The following OSBPL5 variants were observed in gnomAD, a reference collection of about 807,000 sequenced individuals.
The protein encoded by OSBPL5 is oxysterol-binding protein-related protein 5.
In OSBPL5, 71 loss-of-function variants were observed where a neutral mutation model predicts 111.2. The ratio of observed to expected loss-of-function variants is 0.64; its 90% CI spans 0.53 to 0.78. The LOEUF (loss-of-function observed/expected upper bound fraction) is 0.78, where lower values mean the gene tolerates loss of function less well. Ranked by LOEUF, OSBPL5 falls within the 30% of genes least tolerant of loss-of-function variation. The pLI is 0.00. For missense variants in OSBPL5, 1,210 were observed against 1,189.3 expected (o/e 1.02, Z -0.26); for synonymous variants, 549 against 513.9 (o/e 1.07, Z -0.93).
intron 1 of OSBPL5, among the ~76,000 whole-genome samples, chr11:3,159,075 G>A (rs1434069548): frequency 1.3e-5 from 2 of 152,214 alleles, no homozygotes; most frequent in African/African-American, 4.8e-5. Flanking sequence ...GAGCCTGTCA[G>A]ATGCTGTGAG....
intron 13 of OSBPL5, among the ~76,000 whole-genome samples, chr11:3,100,524 G>A (rs190615927): frequency 1.0e-3 from 153 of 152,320 alleles, no homozygotes; most frequent in Admixed American, 8.7e-3. Flanking sequence ...CTGCAGATTC[G>A]CAGGGTGGAG....
chr11:3,105,584 G>A lies in OSBPL5; in HGVS notation c.1060-1207C>T, dbSNP rs77177481. Among the ~76,000 whole-genome samples, 4 of 151,988 alleles carry A rather than the reference G, an allele frequency of 2.6e-5. No homozygotes were observed. The highest frequency in any genetic ancestry group is 7.3e-5 in the African/African-American group (3 of 41,338). ...TCTTCTCTACTGAGACTGTCTTGCC[G>A]TAGGTCCCCACCACTCCTCACTGGT... On this transcript the variant is annotated intron_variant, in intron 9 of 21. Coordinates refer to ENST00000263650, the MANE Select transcript of OSBPL5 (RefSeq NM_020896.4). This position sits in a 1 kb window ranked among gnomAD's most constrained non-coding sequence, Gnocchi z 5.2.
rs73416001 is a variant in OSBPL5 at position 3,152,600 on chromosome 11, C to A, written c.-22+12616G>T. Among the ~76,000 whole-genome samples the A allele has an allele frequency of 8.3e-3, 1,262 of 152,282 alleles. 16 individuals are homozygous for A. Among genetic ancestry groups the A allele is most frequent in the African/African-American group, 0.029 (1,192 of 41,566 alleles). ...CTGCAGGATTATCGGGAGCGGCCTGCGAGGCGCGATGGGCTCGGGCTCAGG... is the reference window on the plus strand; with the variant it reads ...CTGCAGGATTATCGGGAGCGGCCTGAGAGGCGCGATGGGCTCGGGCTCAGG... On this transcript the variant is annotated intron_variant, in intron 1 of 21. Coordinates refer to ENST00000263650, the MANE Select transcript of OSBPL5 (RefSeq NM_020896.4).
chr11:3,095,960 A>G (rs950054888), intron 14 of OSBPL5, among the ~76,000 whole-genome samples: 97 of 152,196 alleles, frequency 6.4e-4, no homozygotes, highest in Non-Finnish European at 1.5e-4. Context: ...TCGTGTTGAA[A>G]AAAACTGTGC....
At position 3,097,159 on chromosome 11, in the gene OSBPL5, G is replaced by C. The variant is rs537772067; in HGVS notation, c.1622-2825C>G. Among the ~76,000 whole-genome samples the C allele has an allele frequency of 3.3e-5, 5 of 150,852 alleles. No individual in the cohort carries two copies. In the East Asian group the frequency reaches 5.8e-4, roughly 18 times the overall value. The stretch of plus-strand genomic sequence containing the variant: ...GATGGGAGGAGGAGGAGAGGAAAAG[G>C]GGGGAAGAGAAAGAGGGGCATTTGT... On this transcript the variant is annotated intron_variant, in intron 14 of 21. Coordinates refer to ENST00000263650, the MANE Select transcript of OSBPL5 (RefSeq NM_020896.4).
rs1443684074 is a variant in OSBPL5 at position 3,103,874 on chromosome 11, GCC to G, written c.1244+317_1244+318del. Among the ~76,000 whole-genome samples the G allele has an allele frequency of 8.3e-3, 400 of 48,466 alleles. 11 individuals are homozygous for G. The highest frequency in any genetic ancestry group is 0.026 in the African/African-American group (287 of 10,916). The allele number at this position is 48,466 out of a possible 152,430, so 31.8% of individuals were successfully genotyped here. ...TTCCAGTCTGCGCAGCCCCCTTCCT[GCC>G]TCTGTAGCCCCATTCCTGCCTCTGC... On this transcript the variant is annotated intron_variant, in intron 10 of 21. Coordinates refer to ENST00000263650, the MANE Select transcript of OSBPL5 (RefSeq NM_020896.4).
intron 10 of OSBPL5, among the ~76,000 whole-genome samples, chr11:3,103,654 T>A (rs1260022804): frequency 2.0e-5 from 3 of 150,912 alleles, no homozygotes; most frequent in African/African-American, 7.3e-5. Flanking sequence ...GCAGCCCCCT[T>A]CCTGCCTCTG....
At position 3,092,472 on chromosome 11, in the gene OSBPL5, C is replaced by A. The variant is rs374070869; in HGVS notation, c.2219G>T (p.Arg740Leu). Residue 740 changes from arginine to leucine, a missense_variant, in exon 19 of 22, where the codon CGC (arginine) becomes CTC (leucine). By Grantham distance (102) the Arg-to-Leu change is moderately radical. Transcript: ENST00000263650. This position sits in a 1 kb window ranked among gnomAD's most constrained non-coding sequence, Gnocchi z 5.4. ...TGGGCTGCCCAGGAAGGTGGTCTGG[C>A]GGGCCACGGCCTCCTGCTGCAAGGT... is the stretch of plus-strand genomic sequence containing the variant. ...LRTLQQEAVA[R>L]QTTFLGSPGP... is the part of the protein sequence containing the mutation. 1.3e-6 allele frequency: 2 copies of A among 1,574,428 alleles called. No homozygotes were observed. The highest frequency in any genetic ancestry group is 2.7e-5 in the African/African-American group (2 of 74,022).
intron 1 of OSBPL5, among the ~76,000 whole-genome samples, chr11:3,139,891 G>A (rs1021424830): frequency 1.3e-5 from 2 of 152,234 alleles, no homozygotes; most frequent in African/African-American, 4.8e-5. Flanking sequence ...GAAGCTGGTG[G>A]TGGGGTGGGG....
Position 3,092,492 on chromosome 11 carries a change from C to T in OSBPL5, c.2199G>A (p.Leu733=). Residue 733 remains leucine (L), a synonymous_variant, in exon 19 of 22, where the codon TTG becomes TTA. Coordinates refer to ENST00000263650, the MANE Select transcript of OSBPL5 (RefSeq NM_020896.4). This position sits in a 1 kb window ranked among gnomAD's most constrained non-coding sequence, Gnocchi z 5.4. ...QFEQDGILRT[L]QQEAVARQTT... ...TCTGGCGGGCCACGGCCTCCTGCTG[C>T]AAGGTCCGCAGGATCCCGTCTTGCT... 6.3e-7 allele frequency: 1 copy of T among 1,577,446 alleles called. No homozygotes were observed. Among genetic ancestry groups the T allele is most frequent in the Non-Finnish European group, 8.6e-7 (1 of 1,162,000 alleles).
intron 1 of OSBPL5, among the ~76,000 whole-genome samples, chr11:3,151,582 A>G (rs1321405120): frequency 6.6e-6 from 1 of 152,194 alleles, no homozygotes; most frequent in East Asian, 1.9e-4. Flanking sequence ...ATGAAAAGCC[A>G]AGGGGTTGAA....
rs569945686 is a variant in OSBPL5 at position 3,099,747 on chromosome 11, C to T, written c.1621+411G>A. Among the ~76,000 whole-genome samples, 157 of 152,286 alleles carry T rather than the reference C, an allele frequency of 1.0e-3. 1 individual carries two copies. The highest frequency in any genetic ancestry group is 2.3e-3 in the South Asian group (11 of 4,826). Reference sequence around the variant, plus strand: ...ACATATTCAAAGGGCAGTAAAATAGCATCTACATGGAATTACCCACCTTCA... The same window carrying T: ...ACATATTCAAAGGGCAGTAAAATAGTATCTACATGGAATTACCCACCTTCA... On this transcript the variant is annotated intron_variant, in intron 14 of 21. Coordinates refer to ENST00000263650, the MANE Select transcript of OSBPL5 (RefSeq NM_020896.4).
intron 12 of OSBPL5, 100 bp from the exon 13 acceptor site, chr11:3,101,799 GC>G: frequency 1.1e-6 from 1 of 942,000 alleles, no homozygotes; most frequent in Non-Finnish European, 1.6e-6. Flanking sequence ...TGTCCCTGAC[GC>G]CACATCTTCT....
rs200188482 is a variant in OSBPL5, at chr11:3,104,225, G to C, written c.1212C>G (p.Ser404=). 1.2e-6 allele frequency: 2 copies of C among 1,612,130 alleles called. No homozygotes were observed. Among genetic ancestry groups the C allele is most frequent in the Admixed American group, 3.3e-5 (2 of 59,972 alleles). Residue 404 remains serine (S), a synonymous_variant, in exon 10 of 22, where the codon TCC becomes TCG. Transcript: ENST00000263650. The surrounding 1 kb of genome is among the most constrained non-coding windows in gnomAD (Gnocchi z 5.0). ...LEPRSFLNKL[S]DYYYHADLLS... is the part of the protein sequence containing the mutation. ...GCAGGTCTGCGTGGTAGTAGTAGTCGGAGAGCTTGTTCAGGAAGGAGCGCG... is the reference window on the plus strand; with the variant it reads ...GCAGGTCTGCGTGGTAGTAGTAGTCCGAGAGCTTGTTCAGGAAGGAGCGCG...
In OSBPL5 at chr11:3,105,069, G is replaced by A. The variant is rs1857647021; in HGVS notation, c.1060-692C>T. ...AGAATACATGACTTGGGGTGGCGGG[G>A]CTCCCCTTACTCACTCCAGACTTGC... On this transcript the variant is annotated intron_variant, in intron 9 of 21. Transcript: ENST00000263650. The surrounding 1 kb of genome is among the most constrained non-coding windows in gnomAD (Gnocchi z 5.2). 2.0e-5 allele frequency among the ~76,000 whole-genome samples: 3 copies of A among 152,068 alleles called. No homozygotes were observed. The highest frequency in any genetic ancestry group is 2.0e-4 in the Admixed American group (3 of 15,276).
rs76884332 is a variant in OSBPL5, at chr11:3,141,589, G to T, written c.-21-12420C>A. Among the ~76,000 whole-genome samples, 157 of 152,264 alleles carry T rather than the reference G, an allele frequency of 1.0e-3. No individual in the cohort carries two copies. The highest frequency in any genetic ancestry group is 3.7e-3 in the African/African-American group (152 of 41,574). ...ATTATGGCCCGAGTTGCGCAGAGAG[G>T]ACAGGGAGGGGCTGGATTTTGCTGA... On this transcript the variant is annotated intron_variant, in intron 1 of 21. Coordinates refer to ENST00000263650, the MANE Select transcript of OSBPL5 (RefSeq NM_020896.4). The surrounding 1 kb of genome is among the most constrained non-coding windows in gnomAD (Gnocchi z 6.5).
intron 1 of OSBPL5, among the ~76,000 whole-genome samples, chr11:3,129,530 C>T (rs955263056): frequency 2.0e-5 from 3 of 152,144 alleles, no homozygotes; most frequent in South Asian, 2.1e-4. Flanking sequence ...TTTTCCCTCC[C>T]GCATTTCCCT....
In OSBPL5 at chr11:3,121,931, G is replaced by T; in HGVS notation, c.402+66C>A. 7.1e-7 allele frequency: 1 copy of T among 1,410,124 alleles called. No homozygotes were observed. The highest frequency in any genetic ancestry group is 2.5e-5 in the East Asian group (1 of 40,094). The allele number at this position is 1,410,124 out of a possible 1,614,324, so 87.4% of individuals were successfully genotyped here. ...ATCGTTTCAGGCCACCTGGTTTATG[G>T]TCCTTTGTTATGGCAGCAGCACGCT... On this transcript the variant is annotated intron_variant, in intron 5 of 21. Coordinates refer to ENST00000263650, the MANE Select transcript of OSBPL5 (RefSeq NM_020896.4). The surrounding 1 kb of genome is among the most constrained non-coding windows in gnomAD (Gnocchi z 4.3).
intron 12 of OSBPL5, among the ~76,000 whole-genome samples, 161 bp from the exon 13 acceptor site, chr11:3,101,860 C>T (rs564601734): frequency 2.6e-5 from 4 of 152,304 alleles, no homozygotes; most frequent in East Asian, 1.9e-4. Context: ...TCGCTTACGA[C>T]GCCCAGGGCA....
Sources: gnomAD v4.1 joint callset for allele counts (sites outside exome capture counted in the v4.1 genomes callset) on GRCh38, gnomAD v4.1.1 for gene constraint, Gnocchi (gnomAD v3.1) non-coding constraint, MANE v1.5 for transcripts, NCBI Gene and HGNC (gene_info 2026-07-23, HGNC 2026-07-21) for gene names.